The following ULK4 variants were observed in gnomAD, a reference collection of about 807,000 sequenced individuals.
The protein encoded by ULK4 is inactive serine/threonine-protein kinase ULK4.
ULK4 carries 133 observed loss-of-function variants against 160.6 expected under a neutral mutation model. That is an observed-to-expected ratio of 0.83 (90% CI 0.72 to 0.96). The LOEUF is 0.96. ULK4 is among the 40% of genes least tolerant of loss of function. The pLI, the probability that ULK4 is intolerant of heterozygous loss-of-function variation, is 0.00. For missense variants in ULK4, 1,580 were observed against 1,499.5 expected, an observed-to-expected ratio of 1.05 and a Z score of -0.89; for synonymous variants, 534 against 539.8, an observed-to-expected ratio of 0.99 and a Z score of 0.15.
intron 32 of ULK4, among the ~76,000 whole-genome samples, chr3:41,492,734 T>G (rs775524827): frequency 1.6e-3 from 241 of 151,734 alleles, no homozygotes; most frequent in Admixed American, 3.2e-3. Flanking sequence ...TGGAGGAAGA[T>G]CTACCAAACA....
intron 30 of ULK4, among the ~76,000 whole-genome samples, chr3:41,658,737 A>ACACACACACACACACACACACTCTCT (rs2035036421): frequency 6.6e-6 from 1 of 151,062 alleles, no homozygotes; most frequent in East Asian, 2.0e-4. Flanking sequence ...GTACACACAC[A>ACACACACACACACACACACACTCTCT]CACACACACA....
intron 35 of ULK4, among the ~76,000 whole-genome samples, chr3:41,302,050 C>T (rs759795472): frequency 3.9e-4 from 60 of 152,124 alleles, no homozygotes; most frequent in Admixed American, 2.1e-3. Context: ...TCATTTCCTA[C>T]GCTCTCAGGA....
chr3:41,722,238 ACT>A (rs2037496882), intron 22 of ULK4, among the ~76,000 whole-genome samples: 2 of 151,868 alleles, frequency 1.3e-5, no homozygotes, highest in Non-Finnish European at 2.9e-5. Context: ...GAAGGCTAAC[ACT>A]CTGTTTTTCA....
intron 22 of ULK4, among the ~76,000 whole-genome samples, chr3:41,745,359 A>G (rs2038384690): frequency 6.7e-6 from 1 of 150,240 alleles, no homozygotes; most frequent in African/African-American, 2.5e-5. Flanking sequence ...GTAAAAAGAT[A>G]AAATGGAATA....
intron 17 of ULK4, among the ~76,000 whole-genome samples, chr3:41,863,832 T>C (rs2042559517): frequency 6.6e-6 from 1 of 151,300 alleles, no homozygotes; most frequent in Non-Finnish European, 1.5e-5. Flanking sequence ...CAAGACAAAG[T>C]CCTCCCCCAC....
intron 12 of ULK4, among the ~76,000 whole-genome samples, chr3:41,902,700 T>C (rs1262590387): frequency 1.3e-5 from 2 of 150,930 alleles, no homozygotes; most frequent in African/African-American, 4.9e-5. Context: ...TGGACTTTCA[T>C]GGTAAAAAGA....
intron 35 of ULK4, among the ~76,000 whole-genome samples, chr3:41,318,839 A>T (rs1414375862): frequency 6.6e-6 from 1 of 152,236 alleles, no homozygotes; most frequent in Non-Finnish European, 1.5e-5. Context: ...TGTATTTGGA[A>T]TGAAGAGGAC....
At chr3:41,716,072 G>C (rs1233759897) in intron 23 of ULK4, among the ~76,000 whole-genome samples, 1 of 151,330 alleles carries the variant, frequency 6.6e-6, no homozygotes, top group East Asian at 1.9e-4. Context: ...ATTAGCCTGG[G>C]CATGATGGTG....
rs189765000 is a variant in ULK4, at chr3:41,772,593, A to C, written c.2193+17068T>G. Among the ~76,000 whole-genome samples the C allele has an allele frequency of 6.2e-4, 95 of 152,316 alleles. 1 individual carries two copies. Among genetic ancestry groups the C allele is most frequent in the African/African-American group, 2.0e-3 (84 of 41,562 alleles). On this transcript the variant is annotated intron_variant, in intron 21 of 36. Transcript: ENST00000301831. ...GCAATAATTAATAGCTTATCAACCA[A>C]AAAAAGTCCAGGACCAGATGGATTC... is the stretch of plus-strand genomic sequence containing the variant.
chr3:41,662,756 G>C (rs1472198834), intron 30 of ULK4, among the ~76,000 whole-genome samples: 1 of 152,028 alleles, frequency 6.6e-6, no homozygotes, highest in Admixed American at 6.6e-5. Flanking sequence ...AAAGCAAAAA[G>C]AACCTCTTTC....
intron 35 of ULK4, among the ~76,000 whole-genome samples, chr3:41,391,924 G>A (rs1356632055): frequency 6.6e-6 from 1 of 152,066 alleles, no homozygotes; most frequent in East Asian, 1.9e-4. Context: ...CAGGGAGTTA[G>A]TAACATCAGC....
chr3:41,247,982 G>A (rs1273922625), intron 36 of ULK4, among the ~76,000 whole-genome samples: 2 of 152,182 alleles, frequency 1.3e-5, no homozygotes, highest in Non-Finnish European at 2.9e-5. Flanking sequence ...TGGTGTAGAC[G>A]TTTTAGATGC....
chr3:41,584,489 A>G (rs2030637789), intron 31 of ULK4, among the ~76,000 whole-genome samples: 1 of 152,010 alleles, frequency 6.6e-6, no homozygotes, highest in African/African-American at 2.4e-5. Flanking sequence ...AGGTCTCACT[A>G]TATTGCCCAG....
intron 33 of ULK4, among the ~76,000 whole-genome samples, chr3:41,455,979 A>G (rs555301786): frequency 2.0e-5 from 3 of 152,128 alleles, no homozygotes; most frequent in African/African-American, 4.8e-5. Context: ...GCACAATCTC[A>G]GCTCACTGCA....
chr3:41,631,376 G>C (rs1272285866), intron 30 of ULK4, among the ~76,000 whole-genome samples: 1 of 152,070 alleles, frequency 6.6e-6, no homozygotes, highest in Non-Finnish European at 1.5e-5. Flanking sequence ...GGCACAAAAC[G>C]TACATAAAAA....
In ULK4 at chr3:41,838,200, G is replaced by A. The variant is rs114017574; in HGVS notation, c.1657-2229C>T. 6.0e-3 allele frequency among the ~76,000 whole-genome samples: 909 copies of A among 152,260 alleles called. 7 individuals are homozygous for A. The highest frequency in any genetic ancestry group is 0.02 in the African/African-American group (847 of 41,550). ...AAACCTTGAAATAATCAGAGAGGAA[G>A]CAAGAACACAGTAGGCCAAAATATA... On this transcript the variant is annotated intron_variant, in intron 17 of 36. Transcript: ENST00000301831.
intron 21 of ULK4, among the ~76,000 whole-genome samples, chr3:41,770,453 A>G (rs2039314944): frequency 6.6e-6 from 1 of 151,864 alleles, no homozygotes; most frequent in South Asian, 2.1e-4. Context: ...AATGCTACAG[A>G]TTATAGGATT....
intron 32 of ULK4, among the ~76,000 whole-genome samples, chr3:41,514,748 T>G (rs2085695864): frequency 6.7e-6 from 1 of 149,818 alleles, no homozygotes; most frequent in Admixed American, 6.7e-5. Context: ...GGACGTAGAG[T>G]GGGATGAGAG....
intron 35 of ULK4, among the ~76,000 whole-genome samples, chr3:41,262,387 T>G (rs182280018): frequency 6.6e-6 from 1 of 152,340 alleles, no homozygotes; most frequent in African/African-American, 2.4e-5. Context: ...ATTTCCAGAT[T>G]TGGAGATGCA....
Sources: allele counts gnomAD v4.1 joint callset (sites outside exome capture counted in the v4.1 genomes callset), GRCh38; gene constraint gnomAD v4.1.1; transcripts MANE v1.5; gene names NCBI Gene and HGNC (gene_info 2026-07-23, HGNC 2026-07-21).